SCNN1G: variants seen among roughly 807,000 people sequenced by gnomAD.
SCNN1G encodes epithelial sodium channel subunit gamma.
Under a neutral mutation model 64.6 loss-of-function variants are expected in SCNN1G, and 27 were observed. That is an observed-to-expected ratio of 0.42 (90% CI 0.31 to 0.58). The LOEUF is 0.58. SCNN1G is among the 20% of genes least tolerant of loss of function. The pLI is 0.18. For missense variants in SCNN1G, 743 were observed against 823.4 expected, an observed-to-expected ratio of 0.90 and a Z score of 1.19; for synonymous variants, 330 against 314.2, an observed-to-expected ratio of 1.05 and a Z score of -0.53.
intron 12 of SCNN1G, 58 bp from the exon 13 acceptor site, chr16:23,215,031 T>C: frequency 1.2e-6 from 2 of 1,606,528 alleles, no homozygotes; most frequent in Non-Finnish European, 1.7e-6. Flanking sequence ...AGGGTTCCTG[T>C]GTGAGGCCAA....
rs141624002 is a variant in SCNN1G, at chr16:23,202,077, A to G, written c.1077+4650A>G. 1.1e-3 allele frequency among the ~76,000 whole-genome samples: 162 copies of G among 152,268 alleles called. 1 individual carries two copies. Among genetic ancestry groups the G allele is most frequent in the African/African-American group, 3.6e-3 (150 of 41,548 alleles). On this transcript the variant is annotated intron_variant, in intron 6 of 12. Coordinates refer to ENST00000300061, the MANE Select transcript of SCNN1G (RefSeq NM_001039.4). ...AACAGTCCTCCCATCTTGGCTTCCC[A>G]AAGTGCTGGGATTATAGATGTGAGC...
At chr16:23,212,655 C>T (rs375328299) in intron 8 of SCNN1G, 23 bp from the exon 9 acceptor site, 17 of 1,599,264 alleles carry the variant, frequency 1.1e-5, no homozygotes, top group Non-Finnish European at 1.5e-5. Flanking sequence ...AAAGCTCATG[C>T]TGCCCTCTCC....
At chr16:23,187,758 G>C (rs759080012) in intron 2 of SCNN1G, among the ~76,000 whole-genome samples, 4 of 152,128 alleles carry the variant, frequency 2.6e-5, no homozygotes, top group Admixed American at 6.5e-5. Context: ...TATCATCCTC[G>C]GCAGGACCTG....
chr16:23,213,178 C>T lies in SCNN1G; in HGVS notation c.1493+15C>T, dbSNP rs763506684. On this transcript the variant is annotated intron_variant, in intron 11 of 12. Transcript: ENST00000300061. ...AAGCTCAACAAGTAAGTTACCTCTA[C>T]CCTGTTCCTCTGTCTCTTCCCACCA... The T allele has an allele frequency of 6.1e-5, 97 of 1,600,498 alleles. 2 individuals are homozygous for T. The highest frequency in any genetic ancestry group is 5.0e-4 in the South Asian group (45 of 90,758).
intron 5 of SCNN1G, among the ~76,000 whole-genome samples, chr16:23,196,941 T>A (rs559927062): frequency 1.3e-5 from 2 of 152,268 alleles, no homozygotes; most frequent in East Asian, 3.9e-4. Context: ...GAGCTCCCCA[T>A]CTCAAAGGAC....
At chr16:23,211,231 G>A (rs185082876) in intron 7 of SCNN1G, among the ~76,000 whole-genome samples, 1 of 152,334 alleles carries the variant, frequency 6.6e-6, no homozygotes, top group Admixed American at 6.5e-5. Flanking sequence ...CAGAAAAATA[G>A]CAAAGATTGG....
chr16:23,195,658 A>G (rs1158322801), intron 5 of SCNN1G, among the ~76,000 whole-genome samples: 1 of 152,214 alleles, frequency 6.6e-6, no homozygotes, highest in Non-Finnish European at 1.5e-5. Flanking sequence ...TGGCTCTGCT[A>G]TGGAGGGGCT....
intron 3 of SCNN1G, among the ~76,000 whole-genome samples, chr16:23,190,199 T>G (rs1959684985): frequency 6.6e-6 from 1 of 152,062 alleles, no homozygotes; most frequent in Non-Finnish European, 1.5e-5. Context: ...TGTATACCTT[T>G]GTAACAAACC....
intron 6 of SCNN1G, among the ~76,000 whole-genome samples, chr16:23,205,337 G>A (rs991552840): frequency 6.6e-6 from 1 of 152,054 alleles, no homozygotes; most frequent in African/African-American, 2.4e-5. Context: ...CACGGTCAGA[G>A]GAGACCATCA....
intron 6 of SCNN1G, among the ~76,000 whole-genome samples, chr16:23,206,011 C>T (rs1959984466): frequency 6.6e-6 from 1 of 152,166 alleles, no homozygotes; most frequent in African/African-American, 2.4e-5. Flanking sequence ...AAGTCTTACC[C>T]AGAAATGTAC....
intron 11 of SCNN1G, among the ~76,000 whole-genome samples, chr16:23,214,450 A>G (rs1260308527): frequency 1.3e-5 from 2 of 152,228 alleles, no homozygotes; most frequent in Non-Finnish European, 1.5e-5. Context: ...ACAGGGTACA[A>G]TGGCAGTATG....
rs561188989 is a variant in SCNN1G, at chr16:23,213,241, G to C, written c.1493+78G>C. The C allele has an allele frequency of 4.2e-5, 37 of 879,928 alleles. No homozygotes were observed. In the African/African-American group the frequency reaches 6.4e-4, roughly 15 times the overall value. The allele number at this position is 879,928 out of a possible 1,614,324, so 54.5% of individuals were successfully genotyped here. On this transcript the variant is annotated intron_variant, in intron 11 of 12. Transcript: ENST00000300061. ...TTCTCACTTGCTTCTGTATGTGTAT[G>C]GCCAAATCCTCTTTTTTTTTTTTTT...
At chr16:23,203,634 G>A (rs13335645) in intron 6 of SCNN1G, among the ~76,000 whole-genome samples, 31,255 of 151,556 alleles carry the variant, frequency 0.21, 3,357 homozygotes, top group Non-Finnish European at 0.22. Context: ...GCCGGGTGTG[G>A]TGGCAGGCGC....
At chr16:23,199,281 A>G (rs1471833926) in intron 6 of SCNN1G, among the ~76,000 whole-genome samples, 1 of 152,242 alleles carries the variant, frequency 6.6e-6, no homozygotes, top group Non-Finnish European at 1.5e-5. Context: ...AAATGGTTCC[A>G]TATCAAAACA....
intron 6 of SCNN1G, among the ~76,000 whole-genome samples, chr16:23,204,334 T>TATATATATATATATAGAGAGAGAG (rs1567267153): frequency 6.6e-5 from 1 of 15,172 alleles, no homozygotes; most frequent in Non-Finnish European, 1.1e-4. Context: ...TATATATATA[T>TATATATATATATATAGAGAGAGAG]AGAGAGAGAG....
At chr16:23,186,754 C>T (rs1959613600) in intron 2 of SCNN1G, among the ~76,000 whole-genome samples, 166 bp downstream of exon 2, 1 of 152,206 alleles carries the variant, frequency 6.6e-6, no homozygotes, top group South Asian at 2.1e-4. Context: ...AGCCCCCTCC[C>T]CAGTTCTAAA....
At chr16:23,204,485 T>G (rs1959959132) in intron 6 of SCNN1G, among the ~76,000 whole-genome samples, 1 of 146,268 alleles carries the variant, frequency 6.8e-6, no homozygotes, top group South Asian at 2.1e-4. Flanking sequence ...TTGACACCTC[T>G]CTCCTTTATG....
At chr16:23,206,649 C>T (rs189502037) in intron 6 of SCNN1G, among the ~76,000 whole-genome samples, 1 of 152,240 alleles carries the variant, frequency 6.6e-6, no homozygotes, top group African/African-American at 2.4e-5. Flanking sequence ...GACTCCTATA[C>T]AATTGTCTCC....
At position 23,215,194 on chromosome 16, in the gene SCNN1G, T is replaced by C; in HGVS notation, c.1675T>C (p.Ser559Pro). The change falls in exon 13 of 13, where the codon TCT becomes CCT. Residue 559 changes from serine to proline, a missense_variant. Transcript: ENST00000300061. ...CGAGGTCTTCTTCATTGACTTCTTCTCTATCATTGCCCGCCGCCAGTGGCA... is the reference window on the plus strand; with the variant it reads ...CGAGGTCTTCTTCATTGACTTCTTCCCTATCATTGCCCGCCGCCAGTGGCA... ...IIEVFFIDFF[S>P]IIARRQWQKA... 6.2e-7 allele frequency: 1 copy of C among 1,614,148 alleles called. No individual in the cohort carries two copies. The highest frequency in any genetic ancestry group is 8.5e-7 in the Non-Finnish European group (1 of 1,180,044).
Sources: gnomAD v4.1 joint callset for allele counts (sites outside exome capture counted in the v4.1 genomes callset) on GRCh38, gnomAD v4.1.1 for gene constraint, MANE v1.5 for transcripts, NCBI Gene and HGNC (gene_info 2026-07-23, HGNC 2026-07-21) for gene names.